The following SPTBN1 variants were observed in gnomAD, a reference collection of about 807,000 sequenced individuals.
The protein encoded by SPTBN1 is spectrin beta chain, non-erythrocytic 1.
Under a neutral mutation model 266.4 loss-of-function variants are expected in SPTBN1, and 32 were observed. That is an observed-to-expected ratio of 0.12 (90% CI 0.09 to 0.16). The LOEUF is 0.16. SPTBN1 is among the 10% of genes least tolerant of loss of function. The pLI is 1.00. For missense variants in SPTBN1, 2,296 were observed against 3,067.1 expected (o/e 0.75, Z 5.94); for synonymous variants, 1,336 against 1,162.2 (o/e 1.15, Z -3.04).
Position 54,558,694 on chromosome 2 carries a change from A to G in SPTBN1, c.148+32128A>G. 1.3e-6 allele frequency: 2 copies of G among 1,545,804 alleles called. No individual in the cohort carries two copies. Among genetic ancestry groups the G allele is most frequent in the South Asian group, 2.5e-5 (2 of 81,458 alleles). Reference sequence around the variant, plus strand: ...TCGCCTAAGGAGCCGAGCGCTGCGGAGGCTGCTGCGTGTTGGATGGGAGTG... The same window carrying G: ...TCGCCTAAGGAGCCGAGCGCTGCGGGGGCTGCTGCGTGTTGGATGGGAGTG... On this transcript the variant is annotated intron_variant, in intron 2 of 35. Coordinates refer to ENST00000356805, the MANE Select transcript of SPTBN1 (RefSeq NM_003128.3). The surrounding 1 kb of genome is among the most constrained non-coding windows in gnomAD (Gnocchi z 4.6).
At chr2:54,465,498 C>G (rs1693579582) in intron 1 of SPTBN1, among the ~76,000 whole-genome samples, 1 of 152,032 alleles carries the variant, frequency 6.6e-6, no homozygotes, top group Non-Finnish European at 1.5e-5. Flanking sequence ...TGAATGGTAT[C>G]TCAGCATCTG....
intron 17 of SPTBN1, among the ~76,000 whole-genome samples, chr2:54,636,581 C>T (rs894164342): frequency 7.9e-5 from 12 of 152,164 alleles, no homozygotes; most frequent in African/African-American, 1.4e-4. Context: ...CTTCAGACAC[C>T]GGTCAGCAGC....
rs551004647 is a variant in SPTBN1, at chr2:54,633,860, T to G, written c.3767+1092T>G. ...AAGATTGAGCTCCTGTCTTTACCAC[T>G]TCCAATCTTTTTTTCTGAGCTGATT... On this transcript the variant is annotated intron_variant, in intron 17 of 35. Transcript: ENST00000356805. 2.2e-3 allele frequency among the ~76,000 whole-genome samples: 336 copies of G among 152,356 alleles called. 1 individual carries two copies. The highest frequency in any genetic ancestry group is 5.9e-3 in the Admixed American group (90 of 15,310).
At chr2:54,488,371 G>T (rs1309743666) in intron 1 of SPTBN1, among the ~76,000 whole-genome samples, 1 of 152,180 alleles carries the variant, frequency 6.6e-6, no homozygotes, top group South Asian at 2.1e-4. Flanking sequence ...CTGAGAGTCA[G>T]TGACTCTCTG....
At position 54,628,513 on chromosome 2, in the gene SPTBN1, GTC is replaced by G. The variant is rs1420118586; in HGVS notation, c.1798+269_1798+270del. Among the ~76,000 whole-genome samples the G allele has an allele frequency of 2.0e-5, 3 of 152,154 alleles. No individual in the cohort carries two copies. Among genetic ancestry groups the G allele is most frequent in the Admixed American group, 6.5e-5 (1 of 15,286 alleles). On this transcript the variant is annotated intron_variant, in intron 13 of 35. Transcript: ENST00000356805. The surrounding 1 kb of genome is among the most constrained non-coding windows in gnomAD (Gnocchi z 4.3). Reference sequence around the variant, plus strand: ...GGCAGTGAGACTTTGTCATACCTCAGTCTCTCTGGCCATGCACCGACACCCTG... The same window carrying G: ...GGCAGTGAGACTTTGTCATACCTCAGTCTCTGGCCATGCACCGACACCCTG...
At chr2:54,588,914 T>C (rs1675481602) in intron 2 of SPTBN1, among the ~76,000 whole-genome samples, 1 of 152,222 alleles carries the variant, frequency 6.6e-6, no homozygotes, top group South Asian at 2.1e-4. Flanking sequence ...TGGTTTTTTT[T>C]GTTTTGTTTT....
Position 54,645,645 on chromosome 2 carries a change from G to A in SPTBN1, c.4494+192G>A, listed in dbSNP as rs999190282. ...AATGTAACTCCATTGGTCCTCTCAC[G>A]TTATCTAGGGATACTGTAGGATTTT... On this transcript the variant is annotated intron_variant, in intron 21 of 35. Transcript: ENST00000356805. The surrounding 1 kb of genome is among the most constrained non-coding windows in gnomAD (Gnocchi z 4.3). 3.3e-5 allele frequency among the ~76,000 whole-genome samples: 5 copies of A among 152,106 alleles called. No individual in the cohort carries two copies. The highest frequency in any genetic ancestry group is 4.8e-5 in the African/African-American group (2 of 41,406).
At chr2:54,492,338 G>GT (rs1668729612) in intron 1 of SPTBN1, among the ~76,000 whole-genome samples, 4 of 118,096 alleles carry the variant, frequency 3.4e-5, no homozygotes, top group South Asian at 5.1e-4. Flanking sequence ...TTTGTCTGCA[G>GT]TTGTTTTTTT....
chr2:54,499,859 G>A (rs893179029), intron 1 of SPTBN1, among the ~76,000 whole-genome samples: 1 of 152,188 alleles, frequency 6.6e-6, no homozygotes, highest in South Asian at 2.1e-4. Context: ...AGCCAACACA[G>A]AGTTTTGGCT....
At chr2:54,496,457 A>G (rs911008679) in intron 1 of SPTBN1, among the ~76,000 whole-genome samples, 14 of 151,938 alleles carry the variant, frequency 9.2e-5, no homozygotes, top group Admixed American at 7.9e-4. Context: ...AAAAAAAAAA[A>G]AAGTATGAAT....
intron 1 of SPTBN1, among the ~76,000 whole-genome samples, chr2:54,503,778 G>T (rs1366235313): frequency 1.3e-5 from 2 of 152,190 alleles, no homozygotes; most frequent in African/African-American, 4.8e-5. Context: ...CAGTAGCTGA[G>T]TGTGGTTACA....
intron 1 of SPTBN1, among the ~76,000 whole-genome samples, chr2:54,522,697 G>GAGAGAGAGAGAGAA (rs1553439438): frequency 3.1e-5 from 3 of 97,270 alleles, no homozygotes; most frequent in Non-Finnish European, 6.2e-5. Context: ...GAGAGAGAGA[G>GAGAGAGAGAGAGAA]AGAAAGAAAG....
At chr2:54,477,197 A>G (rs760271866) in intron 1 of SPTBN1, among the ~76,000 whole-genome samples, 6 of 152,216 alleles carry the variant, frequency 3.9e-5, no homozygotes, top group Non-Finnish European at 7.3e-5. Flanking sequence ...TAAACACAAC[A>G]TTTGTTGCCA....
intron 2 of SPTBN1, among the ~76,000 whole-genome samples, chr2:54,557,321 T>C (rs1232845876): frequency 1.3e-5 from 2 of 151,624 alleles, no homozygotes; most frequent in African/African-American, 2.4e-5. Context: ...TCAGTGAGTA[T>C]TGCTGTAGGG....
chr2:54,502,388 C>T (rs1436294746), intron 1 of SPTBN1, among the ~76,000 whole-genome samples: 2 of 152,184 alleles, frequency 1.3e-5, no homozygotes, highest in African/African-American at 2.4e-5. Flanking sequence ...CCTGCACGCC[C>T]CCCAACCCAG....
chr2:54,502,651 TCCA>T (rs1183285281), intron 1 of SPTBN1, among the ~76,000 whole-genome samples: 1 of 152,150 alleles, frequency 6.6e-6, no homozygotes, highest in Non-Finnish European at 1.5e-5. Flanking sequence ...TCATGGAAAA[TCCA>T]AGTGCAAAAC....
At chr2:54,543,984 A>G (rs1672089518) in intron 2 of SPTBN1, among the ~76,000 whole-genome samples, 1 of 152,202 alleles carries the variant, frequency 6.6e-6, no homozygotes, top group Non-Finnish European at 1.5e-5. Flanking sequence ...AGCTGTAGTT[A>G]GGTATAAGGG....
rs749586335 is a variant in SPTBN1, at chr2:54,618,189, C to T, written c.759C>T (p.Pro253=). 4.3e-5 allele frequency: 69 copies of T among 1,613,476 alleles called. No individual in the cohort carries two copies. Among genetic ancestry groups the T allele is most frequent in the Non-Finnish European group, 5.1e-5 (60 of 1,179,614 alleles). The change falls in exon 7 of 36, where the codon CCC becomes CCT. Residue 253 remains proline, a synonymous_variant. Coordinates refer to ENST00000356805, the MANE Select transcript of SPTBN1 (RefSeq NM_003128.3). ...QHLGLTKLLD[P]EDISVDHPDE... ...TCGGCCTCACTAAACTGTTGGACCC[C>T]GAAGGTAGGGACTCAAGGGATTACA...
At chr2:54,482,773 AC>A (rs1404760875) in intron 1 of SPTBN1, among the ~76,000 whole-genome samples, 19 of 152,228 alleles carry the variant, frequency 1.2e-4, no homozygotes, top group African/African-American at 4.3e-4. Flanking sequence ...TAGGGTGTCA[AC>A]AAAACATGGG....
Sources: allele counts gnomAD v4.1 joint callset (sites outside exome capture counted in the v4.1 genomes callset), GRCh38; gene constraint gnomAD v4.1.1; non-coding constraint Gnocchi (gnomAD v3.1); transcripts MANE v1.5; gene names NCBI Gene and HGNC (gene_info 2026-07-23, HGNC 2026-07-21).